Variants in SOX6 observed in about 807,000 individuals in gnomAD.
The protein encoded by SOX6 is transcription factor SOX-6.
A neutral mutation model predicts 97.8 loss-of-function variants in SOX6; 11 were observed. That is an observed-to-expected ratio of 0.11 (90% CI 0.07 to 0.19). The LOEUF (loss-of-function observed/expected upper bound fraction) is 0.19, where lower values mean the gene tolerates loss of function less well. Ranked by LOEUF, SOX6 falls within the 10% of genes least tolerant of loss-of-function variation. SOX6 has a pLI of 1.00. For missense variants in SOX6, 810 were observed against 1,039.5 expected, an observed-to-expected ratio of 0.78 and a Z score of 3.04; for synonymous variants, 360 against 371.4, an observed-to-expected ratio of 0.97 and a Z score of 0.35.
At chr11:16,379,511 T>C (rs1378640663) in intron 1 of SOX6, among the ~76,000 whole-genome samples, 1 of 152,088 alleles carries the variant, frequency 6.6e-6, no homozygotes, top group Non-Finnish European at 1.5e-5. Context: ...ATATTCCATT[T>C]CACTACTAAT....
chr11:16,269,581 C>T (rs1303756821), intron 3 of SOX6, among the ~76,000 whole-genome samples: 1 of 150,578 alleles, frequency 6.6e-6, no homozygotes, highest in Non-Finnish European at 1.5e-5. Flanking sequence ...AAGGGGATGT[C>T]GTTTTATTTG....
intron 3 of SOX6, among the ~76,000 whole-genome samples, chr11:16,701,024 C>A (rs1018781522): frequency 3.3e-5 from 5 of 152,198 alleles, no homozygotes; most frequent in African/African-American, 1.2e-4. Flanking sequence ...GACTTTTTCC[C>A]ATCATAAAAC....
At chr11:16,056,754 C>A (rs1453216159) in intron 9 of SOX6, among the ~76,000 whole-genome samples, 1 of 152,124 alleles carries the variant, frequency 6.6e-6, no homozygotes, top group Non-Finnish European at 1.5e-5. Flanking sequence ...TAAAATGGTT[C>A]CTCTTCTCTG....
chr11:16,339,172 T>G, intron 2 of SOX6, among the ~76,000 whole-genome samples: 1 of 152,032 alleles, frequency 6.6e-6, no homozygotes, highest in East Asian at 1.9e-4. Context: ...TTCACTCTTG[T>G]CTCTCTCCCA....
intron 6 of SOX6, among the ~76,000 whole-genome samples, chr11:16,119,022 G>A (rs924864546): frequency 2.0e-5 from 3 of 152,148 alleles, no homozygotes; most frequent in African/African-American, 7.2e-5. Flanking sequence ...GAGAAGGTGG[G>A]AGAGAGAGGT....
At chr11:16,318,750 A>T (rs1397972942) in intron 2 of SOX6, 97 bp from the exon 3 acceptor site, 15 of 820,906 alleles carry the variant, frequency 1.8e-5, no homozygotes, top group Non-Finnish European at 2.9e-5. Context: ...TATGATGCTT[A>T]GTAGGACAAA....
intron 2 of SOX6, among the ~76,000 whole-genome samples, chr11:16,731,331 T>C (rs1848348140): frequency 6.6e-6 from 1 of 152,124 alleles, no homozygotes; most frequent in East Asian, 1.9e-4. Flanking sequence ...GATGAACATC[T>C]ATGTGAAAAT....
At chr11:16,367,134 T>C (rs926950697) in intron 1 of SOX6, among the ~76,000 whole-genome samples, 5 of 152,180 alleles carry the variant, frequency 3.3e-5, no homozygotes, top group Middle Eastern at 3.2e-3. Context: ...TTCTAAGATA[T>C]AGTTTAGACT....
chr11:16,484,596 G>T, intron 4 of SOX6: 2 of 712,066 alleles, frequency 2.8e-6, no homozygotes, highest in East Asian at 5.2e-5. Flanking sequence ...GTCACCTGGC[G>T]TGGAGGGGGC....
intron 3 of SOX6, among the ~76,000 whole-genome samples, chr11:16,689,603 A>G (rs369445248): frequency 1.3e-5 from 2 of 152,236 alleles, no homozygotes; most frequent in South Asian, 4.1e-4. Flanking sequence ...TAGTAGTCCT[A>G]GCAGCATGCT....
chr11:16,234,021 A>AG (rs1852939210), intron 4 of SOX6, among the ~76,000 whole-genome samples: 1 of 150,662 alleles, frequency 6.6e-6, no homozygotes, highest in Non-Finnish European at 1.5e-5. Flanking sequence ...AAAAAAAAAA[A>AG]GAAAAGAAAA....
At chr11:16,172,451 ACC>A (rs1851064835) in intron 6 of SOX6, among the ~76,000 whole-genome samples, 1 of 152,048 alleles carries the variant, frequency 6.6e-6, no homozygotes, top group African/African-American at 2.4e-5. Flanking sequence ...TCTAAAAATC[ACC>A]TACAGCCATT....
At chr11:16,175,368 TCTTTAGGAATTAGGAAATA>T (rs72041774) in intron 6 of SOX6, among the ~76,000 whole-genome samples, 14,559 of 151,970 alleles carry the variant, frequency 0.096, 1,059 homozygotes, top group Admixed American at 0.22. Flanking sequence ...ATTGTAATTA[TCTTTAGGAATTAGGAAATA>T]CAGGCTGAGA....
intron 12 of SOX6, among the ~76,000 whole-genome samples, chr11:16,032,690 T>C (rs1168392201): frequency 1.3e-5 from 2 of 152,222 alleles, no homozygotes; most frequent in Admixed American, 6.5e-5. Context: ...GGGTTAACTT[T>C]CTTAGCCAGG....
At chr11:16,377,757 G>A (rs923103767) in intron 1 of SOX6, among the ~76,000 whole-genome samples, 1 of 152,038 alleles carries the variant, frequency 6.6e-6, no homozygotes, top group Non-Finnish European at 1.5e-5. Context: ...CAACAATTTC[G>A]ATGTATCTTT....
intron 6 of SOX6, among the ~76,000 whole-genome samples, chr11:16,125,047 A>C (rs1849575293): frequency 6.6e-6 from 1 of 152,070 alleles, no homozygotes; most frequent in African/African-American, 2.4e-5. Flanking sequence ...TGGTGCCTCC[A>C]AATATGTCAA....
chr11:16,346,789 G>A (rs1037818913), intron 1 of SOX6, among the ~76,000 whole-genome samples: 1 of 152,052 alleles, frequency 6.6e-6, no homozygotes, highest in Non-Finnish European at 1.5e-5. Flanking sequence ...AATCAATGGA[G>A]ATGAGGTAAA....
chr11:16,318,130 T>G (rs1855805828), intron 3 of SOX6: 2 of 391,058 alleles, frequency 5.1e-6, no homozygotes. Context: ...GGAGAAAAAA[T>G]GAAAAATAAA....
At position 16,512,114 on chromosome 11, in the gene SOX6, A is replaced by G. The variant is rs192265555; in HGVS notation, n.610-35726T>C. 5.1e-3 allele frequency among the ~76,000 whole-genome samples: 775 copies of G among 152,292 alleles called. 1 individual carries two copies. The highest frequency in any genetic ancestry group is 6.8e-3 in the Middle Eastern group (2 of 294). ...CAATAGAAACCAACCAAAACCTACC[A>G]TCTTCCAAACACTTGATGTACACCA... On this transcript the variant is annotated intron_variant and non_coding_transcript_variant, in intron 4 of 5. Coordinates refer to the SOX6 transcript ENST00000524520.
Sources: allele counts gnomAD v4.1 joint callset (sites outside exome capture counted in the v4.1 genomes callset), GRCh38; gene constraint gnomAD v4.1.1; transcripts MANE v1.5; gene names NCBI Gene and HGNC (gene_info 2026-07-23, HGNC 2026-07-21).